SLC22A5: variants seen among roughly 807,000 people sequenced by gnomAD.
SLC22A5 encodes solute carrier family 22 member 5, also known as organic cation/carnitine transporter 2.
A neutral mutation model predicts 56.7 loss-of-function variants in SLC22A5; 44 were observed. The ratio of observed to expected loss-of-function variants is 0.78; its 90% confidence interval spans 0.61 to 1.00. The LOEUF (loss-of-function observed/expected upper bound fraction) is 1.00, where lower values mean the gene tolerates loss of function less well. Among genes scored for constraint, SLC22A5 ranks in the 50% least tolerant of loss-of-function variants. SLC22A5 has a pLI of 0.00. For missense variants in SLC22A5, 675 were observed against 723.0 expected, an observed-to-expected ratio of 0.93 and a Z score of 0.76; for synonymous variants, 278 against 292.1, an observed-to-expected ratio of 0.95 and a Z score of 0.49.
At chr5:132,386,716 T>C (rs980738150) in intron 4 of SLC22A5, among the ~76,000 whole-genome samples, 1 of 152,172 alleles carries the variant, frequency 6.6e-6, no homozygotes, top group Non-Finnish European at 1.5e-5. Flanking sequence ...GAGCCCATCT[T>C]GCACCCATCT....
intron 8 of SLC22A5, among the ~76,000 whole-genome samples, chr5:132,393,432 A>G (rs1752774720): frequency 6.6e-6 from 1 of 152,120 alleles, no homozygotes; most frequent in Admixed American, 6.5e-5. Flanking sequence ...TTCTACTGCA[A>G]CCGCCCCTTT....
At chr5:132,378,234 A>T (rs1167803582) in intron 1 of SLC22A5, 144 bp from the exon 2 acceptor site, 2 of 1,613,964 alleles carry the variant, frequency 1.2e-6, no homozygotes, top group Non-Finnish European at 1.7e-6. Flanking sequence ...CTTCCTGCCC[A>T]GGTGAGCCAT....
rs1580897052 is a variant in SLC22A5, at chr5:132,394,697, A to G, written c.*425A>G. ...CCACTCCCCTCTAGTGGTGAACTTT[A>G]GAGGAAAAGGAAGTAATTGCACAAG... is the stretch of plus-strand genomic sequence containing the variant. On this transcript the variant is annotated 3_prime_UTR_variant, in exon 10 of 10. Coordinates refer to ENST00000245407, the MANE Select transcript of SLC22A5 (RefSeq NM_003060.4). The G allele has an allele frequency of 1.1e-5, 2 of 189,420 alleles. No individual in the cohort carries two copies. The highest frequency in any genetic ancestry group is 2.6e-4 in the East Asian group (2 of 7,672). 11.7% of individuals were successfully genotyped at this position (189,420 alleles called of 1,614,324 possible).
chr5:132,390,833 G>A lies in SLC22A5; in HGVS notation c.1196G>A (p.Arg399Gln), dbSNP rs121908891. The change falls in exon 7 of 10, where the codon CGG becomes CAG. Residue 399 changes from arginine (R) to glutamine (Q), a missense_variant. Transcript: ENST00000245407. ...TGGCTGCTGCTGCAATATTTGCCCC[G>A]GCGCTATTCCATGGCCACTGCCCTC... ...LAWLLLQYLP[R>Q]RYSMATALFL... The A allele has an allele frequency of 1.6e-5, 26 of 1,614,050 alleles. 1 individual carries two copies. Among genetic ancestry groups the A allele is most frequent in the Non-Finnish European group, 1.9e-5 (23 of 1,180,040 alleles).
intron 9 of SLC22A5, 46 bp from the exon 10 acceptor site, chr5:132,394,139 A>T: frequency 8.0e-7 from 1 of 1,244,630 alleles, no homozygotes; most frequent in Middle Eastern, 1.8e-4. Context: ...ACTGGGAGGC[A>T]TCTTTTTAAA....
At chr5:132,386,643 G>C (rs1325403304) in intron 4 of SLC22A5, among the ~76,000 whole-genome samples, 1 of 152,214 alleles carries the variant, frequency 6.6e-6, no homozygotes, top group Non-Finnish European at 1.5e-5. Flanking sequence ...TGGTGCCGGG[G>C]ACAGGGAGGA....
intron 2 of SLC22A5, chr5:132,380,442 T>TG (rs1752309901): frequency 6.6e-6 from 1 of 151,776 alleles, no homozygotes; most frequent in Admixed American, 6.6e-5. Flanking sequence ...TGTCCTTTTT[T>TG]TTTTTTAAAG....
intron 1 of SLC22A5, chr5:132,377,925 C>A (rs1752203537): frequency 5.1e-6 from 3 of 591,652 alleles, no homozygotes; most frequent in Non-Finnish European, 8.8e-6. Flanking sequence ...TGTGCCCTGG[C>A]CTTAGTTTCT....
intron 2 of SLC22A5, 84 bp downstream of exon 2, chr5:132,378,565 T>A: frequency 9.9e-7 from 1 of 1,008,040 alleles, no homozygotes; most frequent in Non-Finnish European, 1.6e-6. Context: ...CAGTTGGTAG[T>A]ATTCTTTCAG....
chr5:132,371,926 C>T (rs1189905673), intron 1 of SLC22A5, among the ~76,000 whole-genome samples: 1 of 152,070 alleles, frequency 6.6e-6, no homozygotes, highest in Admixed American at 6.5e-5. Context: ...TGCTTCTTGG[C>T]GTCATCACCC....
chr5:132,394,290 GA>G lies in SLC22A5; in HGVS notation c.*19del. On this transcript the variant is annotated 3_prime_UTR_variant, in exon 10 of 10. Transcript: ENST00000245407. ...CCTTCTAACATCGCTTCCAGTAAGGGAGAAACTGAAGAGGAAAGACTGTCTT... is the reference window on the plus strand; with the variant it reads ...CCTTCTAACATCGCTTCCAGTAAGGGGAAACTGAAGAGGAAAGACTGTCTT... The G allele has an allele frequency of 6.4e-7, 1 of 1,557,068 alleles. No individual in the cohort carries two copies. Among genetic ancestry groups the G allele is most frequent in the Non-Finnish European group, 8.9e-7 (1 of 1,128,010 alleles).
chr5:132,390,671 C>T lies in SLC22A5; in HGVS notation c.1053-19C>T, dbSNP rs372778184. On this transcript the variant is annotated intron_variant, in intron 6 of 9. Transcript: ENST00000245407. ...ATGTGGATACTGCTTTTCCAGCTTT[C>T]TTCTGCACTCTGTTTCAGGATGACC... The T allele has an allele frequency of 6.3e-7, 1 of 1,578,918 alleles. No individual in the cohort carries two copies. The highest frequency in any genetic ancestry group is 8.7e-7 in the Non-Finnish European group (1 of 1,147,830).
intron 8 of SLC22A5, 118 bp from the exon 9 acceptor site, chr5:132,393,558 G>A: frequency 1.6e-6 from 2 of 1,213,824 alleles, no homozygotes; most frequent in South Asian, 1.2e-5. Context: ...GACTGTGAGA[G>A]ATGTGAGACC....
intron 3 of SLC22A5, 114 bp from the exon 4 acceptor site, chr5:132,385,214 T>A (rs147915474): frequency 1.6e-5 from 16 of 983,614 alleles, no homozygotes; most frequent in African/African-American, 3.2e-5. Context: ...CGCCATGAAC[T>A]TAGAGAGAGT....
intron 1 of SLC22A5, among the ~76,000 whole-genome samples, chr5:132,375,898 C>T (rs867490770): frequency 5.3e-5 from 8 of 152,218 alleles, no homozygotes; most frequent in African/African-American, 1.7e-4. Context: ...AACATTGATA[C>T]CTGTGATCAT....
chr5:132,390,718 C>A lies in SLC22A5; in HGVS notation c.1081C>A (p.Leu361Ile), dbSNP rs1412938894. 6.2e-7 allele frequency: 1 copy of A among 1,614,070 alleles called. No individual in the cohort carries two copies. The highest frequency in any genetic ancestry group is 1.3e-5 in the African/African-American group (1 of 74,940). Residue 361 changes from leucine (L) to isoleucine (I), a missense_variant, in exon 7 of 10, where the codon CTT (leucine) becomes ATT (isoleucine). Leu to Ile is a conservative substitution (Grantham distance 5). Coordinates refer to ENST00000245407, the MANE Select transcript of SLC22A5 (RefSeq NM_003060.4). ...GACCATATCAGTGGGCTATTTTGGG[C>A]TTTCGCTTGATACTCCTAACTTGCA... is the stretch of plus-strand genomic sequence containing the variant. ...WMTISVGYFG[L>I]SLDTPNLHGD...
intron 1 of SLC22A5, among the ~76,000 whole-genome samples, chr5:132,374,270 T>A (rs549484689): frequency 6.6e-6 from 1 of 151,746 alleles, no homozygotes; most frequent in African/African-American, 2.4e-5. Context: ...CTGCATCGCC[T>A]TGCTCTCCAC....
chr5:132,375,151 T>C (rs1425969485), intron 1 of SLC22A5, among the ~76,000 whole-genome samples: 1 of 152,230 alleles, frequency 6.6e-6, no homozygotes, highest in East Asian at 1.9e-4. Flanking sequence ...TACCAAGATG[T>C]TGAAGGTTGA....
chr5:132,384,395 G>T, intron 3 of SLC22A5, 94 bp downstream of exon 3: 1 of 1,296,054 alleles, frequency 7.7e-7, no homozygotes, highest in Admixed American at 1.7e-5. Flanking sequence ...TGTCCCTCAA[G>T]GGGGACAGGG....
Sources: allele counts gnomAD v4.1 joint callset (sites outside exome capture counted in the v4.1 genomes callset), GRCh38; gene constraint gnomAD v4.1.1; transcripts MANE v1.5; gene names NCBI Gene and HGNC (gene_info 2026-07-23, HGNC 2026-07-21).